Variants in RPS6KA2 observed in about 807,000 individuals in gnomAD.
RPS6KA2 encodes the protein ribosomal protein S6 kinase alpha-2.
Under a neutral mutation model 91.8 loss-of-function variants are expected in RPS6KA2, and 42 were observed. That is an observed-to-expected ratio of 0.46 (90% CI 0.36 to 0.59). The LOEUF is 0.59. Ranked by LOEUF, RPS6KA2 falls within the 20% of genes least tolerant of loss-of-function variation. RPS6KA2 has a pLI of 0.00. For missense variants in RPS6KA2, 798 were observed against 978.5 expected, an observed-to-expected ratio of 0.82 and a Z score of 2.46; for synonymous variants, 414 against 393.6, an observed-to-expected ratio of 1.05 and a Z score of -0.61.
rs184899390 is a variant in RPS6KA2 at position 166,513,269 on chromosome 6, T to C, written c.299-2912A>G. Among the ~76,000 whole-genome samples the C allele has an allele frequency of 5.1e-3, 773 of 152,252 alleles. 8 individuals are homozygous for C. Among genetic ancestry groups the C allele is most frequent in the African/African-American group, 0.018 (744 of 41,546 alleles). On this transcript the variant is annotated intron_variant, in intron 3 of 20. Transcript: ENST00000265678. The stretch of plus-strand genomic sequence containing the variant: ...TGCTGTGGGCAGAGCTGGGGGATAC[T>C]AGTGTCTCCCCTAAACCTCAGCACC...
chr6:166,720,253 C>T (rs918991554), intron 2 of RPS6KA2, among the ~76,000 whole-genome samples: 2 of 152,090 alleles, frequency 1.3e-5, no homozygotes, highest in Non-Finnish European at 2.9e-5. Context: ...TTAGTGAGCT[C>T]CTCTTATGTG....
intron 2 of RPS6KA2, chr6:166,701,695 G>A (rs1562391044): frequency 1.2e-5 from 16 of 1,321,890 alleles, no homozygotes; most frequent in Non-Finnish European, 1.1e-6. Context: ...CATCCCTGAA[G>A]TGGGTGGGAA....
rs759818068 is a variant in RPS6KA2 at position 166,770,916 on chromosome 6, G to C, written c.123+87284C>G. 2 of 1,595,648 alleles carry C rather than the reference G, an allele frequency of 1.3e-6. No individual in the cohort carries two copies. The highest frequency in any genetic ancestry group is 1.7e-6 in the Non-Finnish European group (2 of 1,179,176). Reference sequence around the variant, plus strand: ...CAGGCAGCTGAGTCACTTTTGCCCTGTGAAAATGGAAACGAAGAAAGAATT... The same window carrying C: ...CAGGCAGCTGAGTCACTTTTGCCCTCTGAAAATGGAAACGAAGAAAGAATT... On this transcript the variant is annotated intron_variant, in intron 2 of 21. Transcript: ENST00000503859. The surrounding 1 kb of genome is among the most constrained non-coding windows in gnomAD (Gnocchi z 5.1).
At chr6:166,467,422 C>A (rs1027221197) in intron 11 of RPS6KA2, among the ~76,000 whole-genome samples, 3 of 152,088 alleles carry the variant, frequency 2.0e-5, no homozygotes, top group Admixed American at 6.5e-5. Context: ...TGAGGCGAGT[C>A]AGAAAGTGAT....
rs1055501453 is a variant in RPS6KA2 at position 166,533,356 on chromosome 6, G to A, written c.217-2043C>T. On this transcript the variant is annotated intron_variant, in intron 2 of 20. Coordinates refer to ENST00000265678, the MANE Select transcript of RPS6KA2 (RefSeq NM_021135.6). This position sits in a 1 kb window ranked among gnomAD's most constrained non-coding sequence, Gnocchi z 4.0. Reference sequence around the variant, plus strand: ...AGGCAGGCGCAGCCCAGGAGTCCAGGAGCTGGGCAAGGCTGCGTGAGCGTC... The same window carrying A: ...AGGCAGGCGCAGCCCAGGAGTCCAGAAGCTGGGCAAGGCTGCGTGAGCGTC... 1.3e-5 allele frequency among the ~76,000 whole-genome samples: 2 copies of A among 152,264 alleles called. No individual in the cohort carries two copies. Among genetic ancestry groups the A allele is most frequent in the Non-Finnish European group, 2.9e-5 (2 of 68,048 alleles).
rs141709524 is a variant in RPS6KA2, at chr6:166,716,035, CAAAAAAAAA to C, written c.123+142156_123+142164del. On this transcript the variant is annotated intron_variant, in intron 2 of 21. Coordinates refer to the RPS6KA2 transcript ENST00000503859. ...CCTGGCTGACAGAGTGAGACTCCAT[CAAAAAAAAA>C]AAAAAAAAAAAAAAAAAGAAGGAAA... Among the ~76,000 whole-genome samples, 19 of 89,770 alleles carry C rather than the reference CAAAAAAAAA, an allele frequency of 2.1e-4. No homozygotes were observed. In the East Asian group the frequency reaches 3.8e-3, roughly 18 times the overall value. 58.9% of individuals were successfully genotyped at this position (89,770 alleles called of 152,430 possible).
At chr6:166,597,844 A>G (rs1253546589) in intron 1 of RPS6KA2, among the ~76,000 whole-genome samples, 4 of 152,152 alleles carry the variant, frequency 2.6e-5, no homozygotes, top group African/African-American at 9.7e-5. Flanking sequence ...GATGCTCTAG[A>G]GAGCAGGACT....
chr6:166,510,154 G>T, intron 4 of RPS6KA2, 123 bp downstream of exon 4: 2 of 547,154 alleles, frequency 3.7e-6, no homozygotes, highest in Non-Finnish European at 6.6e-6. Flanking sequence ...CCCAGGCAGG[G>T]CAGGACTCTA....
At chr6:166,650,453 AG>A (rs1334273191) in intron 2 of RPS6KA2, among the ~76,000 whole-genome samples, 1 of 142,156 alleles carries the variant, frequency 7.0e-6, no homozygotes, top group Non-Finnish European at 1.5e-5. Flanking sequence ...GGTGGGAGGG[AG>A]GGGGGTCCAT....
chr6:166,755,118 T>A (rs961069006), intron 2 of RPS6KA2, among the ~76,000 whole-genome samples: 1 of 152,184 alleles, frequency 6.6e-6, no homozygotes, highest in Non-Finnish European at 1.5e-5. Context: ...AATGTATGAT[T>A]CCTCAGCCAA....
chr6:166,775,266 G>T (rs55691444), intron 2 of RPS6KA2, among the ~76,000 whole-genome samples: 1 of 80,916 alleles, frequency 1.2e-5, no homozygotes, highest in Admixed American at 1.2e-4. Flanking sequence ...CCCCACCCCC[G>T]GCCCCTTCGC....
chr6:166,611,847 T>C (rs570765380), intron 1 of RPS6KA2, among the ~76,000 whole-genome samples: 4 of 152,336 alleles, frequency 2.6e-5, no homozygotes, highest in Admixed American at 1.3e-4. Flanking sequence ...TTACATCCTA[T>C]TTGACCATCT....
intron 2 of RPS6KA2, among the ~76,000 whole-genome samples, chr6:166,694,793 T>C (rs1789309944): frequency 6.6e-6 from 1 of 152,242 alleles, no homozygotes; most frequent in African/African-American, 2.4e-5. Flanking sequence ...ACTGCATCTT[T>C]CCACGTTGAG....
At position 166,733,848 on chromosome 6, in the gene RPS6KA2, G is replaced by A. The variant is rs1397693066; in HGVS notation, c.123+124352C>T. The stretch of plus-strand genomic sequence containing the variant: ...CTGTTTATAAAGCGGATATGAGCAG[G>A]TTTACAGGCTGAACAGAGTAAACCA... On this transcript the variant is annotated intron_variant, in intron 2 of 21. Coordinates refer to the RPS6KA2 transcript ENST00000503859. The surrounding 1 kb of genome is among the most constrained non-coding windows in gnomAD (Gnocchi z 4.1). 1.3e-5 allele frequency among the ~76,000 whole-genome samples: 2 copies of A among 152,190 alleles called. No individual in the cohort carries two copies. The highest frequency in any genetic ancestry group is 4.8e-5 in the African/African-American group (2 of 41,422).
At chr6:166,569,528 C>T (rs945745208) in intron 1 of RPS6KA2, among the ~76,000 whole-genome samples, 1 of 152,196 alleles carries the variant, frequency 6.6e-6, no homozygotes, top group Non-Finnish European at 1.5e-5. Context: ...CTGGGGCCGC[C>T]CTGGAAATCT....
In RPS6KA2 at chr6:166,493,869, C is replaced by T. The variant is rs1781691026; in HGVS notation, c.748-3128G>A. 6.6e-6 allele frequency among the ~76,000 whole-genome samples: 1 copy of T among 152,200 alleles called. No homozygotes were observed. Among genetic ancestry groups the T allele is most frequent in the African/African-American group, 2.4e-5 (1 of 41,446 alleles). On this transcript the variant is annotated intron_variant, in intron 8 of 20. Coordinates refer to ENST00000265678, the MANE Select transcript of RPS6KA2 (RefSeq NM_021135.6). This position sits in a 1 kb window ranked among gnomAD's most constrained non-coding sequence, Gnocchi z 4.7. ...AGGAAGTGTCCAGTCCCGACCTCAA[C>T]AGTGCTGGCTGAGAAGCCCTGTCTA...
intron 12 of RPS6KA2, among the ~76,000 whole-genome samples, chr6:166,452,381 A>G (rs1779945595): frequency 6.6e-6 from 1 of 152,222 alleles, no homozygotes; most frequent in Admixed American, 6.5e-5. Context: ...AATATCATCA[A>G]AATGAACATA....
Position 166,684,830 on chromosome 6 carries a change from A to G in RPS6KA2, c.124-146046T>C, listed in dbSNP as rs9457193. ...GATTTGTTTTCTAAGAAAAATTCTG[A>G]ACCTACTTTTTAATAATTAAATGCC... On this transcript the variant is annotated intron_variant, in intron 2 of 21. Coordinates refer to the RPS6KA2 transcript ENST00000503859. 5.5e-3 allele frequency among the ~76,000 whole-genome samples: 841 copies of G among 152,356 alleles called. 7 individuals carry two copies. Among genetic ancestry groups the G allele is most frequent in the African/African-American group, 0.019 (803 of 41,570 alleles).
intron 2 of RPS6KA2, among the ~76,000 whole-genome samples, chr6:166,790,469 T>C (rs990370412): frequency 6.6e-6 from 1 of 152,058 alleles, no homozygotes; most frequent in South Asian, 2.1e-4. Flanking sequence ...ACTTCCCCAA[T>C]CTAGCAAGGC....
Sources: gnomAD v4.1 joint callset for allele counts (sites outside exome capture counted in the v4.1 genomes callset) on GRCh38, gnomAD v4.1.1 for gene constraint, Gnocchi (gnomAD v3.1) non-coding constraint, MANE v1.5 for transcripts, NCBI Gene and HGNC (gene_info 2026-07-23, HGNC 2026-07-21) for gene names.